Variants in COL4A4 observed in about 807,000 individuals in gnomAD.
COL4A4 encodes the protein collagen type IV alpha 4 chain, also known as collagen alpha-4(IV) chain.
In COL4A4, 105 loss-of-function variants were observed where a neutral mutation model predicts 192.9. The ratio of observed to expected loss-of-function variants is 0.54; its 90% CI spans 0.46 to 0.64. The LOEUF (loss-of-function observed/expected upper bound fraction) is 0.64, where lower values mean the gene tolerates loss of function less well. Among genes scored for constraint, COL4A4 ranks in the 30% least tolerant of loss-of-function variants. The probability of loss-of-function intolerance (pLI) is 0.00; values close to 1 mark genes in which losing one functional copy is unlikely to be tolerated. For missense variants in COL4A4, 1,967 were observed against 2,169.3 expected (o/e 0.91, Z 1.85); for synonymous variants, 762 against 769.9 (o/e 0.99, Z 0.17).
chr2:226,987,614 CTGTG>C, the COL4A4 span, among the ~76,000 whole-genome samples: 1 of 152,234 alleles, frequency 6.6e-6, no homozygotes, highest in African/African-American at 2.4e-5. Flanking sequence ...ACTCGAACCT[CTGTG>C]TGGGAGTCAG....
intron 19 of COL4A4, among the ~76,000 whole-genome samples, chr2:227,096,181 T>C (rs1347687365): frequency 6.6e-6 from 1 of 152,104 alleles, no homozygotes; most frequent in East Asian, 1.9e-4. Flanking sequence ...AATTCTGAGC[T>C]ACCATATAAG....
intron 46 of COL4A4, among the ~76,000 whole-genome samples, chr2:227,008,854 C>T (rs2149728086): frequency 6.6e-6 from 1 of 152,288 alleles, no homozygotes; most frequent in South Asian, 2.1e-4. Context: ...GGTGTCTGCA[C>T]TGTCTGTCTC....
intron 43 of COL4A4, 37 bp from the exon 44 acceptor site, chr2:227,022,210 G>A (rs376953454): frequency 2.4e-5 from 39 of 1,613,470 alleles, no homozygotes; most frequent in African/African-American, 8.0e-5. Flanking sequence ...ATGGATGCAC[G>A]TGCTTATGAA....
intron 25 of COL4A4, among the ~76,000 whole-genome samples, chr2:227,067,440 A>T (rs1370779709): frequency 6.6e-6 from 1 of 152,242 alleles, no homozygotes. Flanking sequence ...CACCACACCT[A>T]TTCCAAAATT....
intron 25 of COL4A4, among the ~76,000 whole-genome samples, chr2:227,072,554 T>A (rs1014874204): frequency 1.3e-5 from 2 of 151,924 alleles, no homozygotes; most frequent in African/African-American, 4.8e-5. Flanking sequence ...AATCATTCTA[T>A]TAAGCTAGTA....
chr2:226,987,803 G>T, the COL4A4 span, among the ~76,000 whole-genome samples: 12 of 152,346 alleles, frequency 7.9e-5, no homozygotes, highest in South Asian at 2.1e-4. Flanking sequence ...TCATCTGGGT[G>T]CTCGTTAAAA....
intron 4 of COL4A4, among the ~76,000 whole-genome samples, chr2:227,139,908 C>T (rs543819082): frequency 6.6e-6 from 1 of 152,272 alleles, no homozygotes; most frequent in South Asian, 2.1e-4. Context: ...AGGACCCTTC[C>T]TCCACAGGAC....
chr2:227,065,180 G>T (rs974345604), intron 25 of COL4A4, among the ~76,000 whole-genome samples: 1 of 152,208 alleles, frequency 6.6e-6, no homozygotes, highest in Non-Finnish European at 1.5e-5. Flanking sequence ...CTTTTCCGAC[G>T]GGCTTAAAAA....
intron 20 of COL4A4, among the ~76,000 whole-genome samples, chr2:227,090,810 C>T (rs1279261251): frequency 6.7e-6 from 1 of 148,566 alleles, no homozygotes; most frequent in Admixed American, 6.7e-5. Flanking sequence ...AAGTATAAAC[C>T]CACAGGACAA....
chr2:227,059,987 G>C (rs1976482108), intron 27 of COL4A4, 149 bp downstream of exon 27: 3 of 644,324 alleles, frequency 4.7e-6, no homozygotes, highest in Non-Finnish European at 8.0e-6. Context: ...TATAGCTAAG[G>C]GTCTATCAAG....
At chr2:227,104,151 C>A (rs1351656940) in intron 12 of COL4A4, 99 bp from the exon 13 acceptor site, 3 of 961,360 alleles carry the variant, frequency 3.1e-6, no homozygotes, top group South Asian at 1.3e-5. Context: ...TCCTATGTGT[C>A]ATGGATTTAA....
chr2:227,070,636 A>G (rs78908343), intron 25 of COL4A4, among the ~76,000 whole-genome samples: 25,710 of 148,326 alleles, frequency 0.17, 2,967 homozygotes, highest in African/African-American at 0.33. Flanking sequence ...ACCAAACACC[A>G]CATATTCTCA....
the COL4A4 span, among the ~76,000 whole-genome samples, chr2:226,977,859 A>G: frequency 6.6e-5 from 10 of 152,256 alleles, no homozygotes; most frequent in East Asian, 5.8e-4. Flanking sequence ...AGTTCCTCCA[A>G]TAGTACCATT....
chr2:227,073,128 A>G (rs2058817618), intron 25 of COL4A4, among the ~76,000 whole-genome samples: 1 of 152,038 alleles, frequency 6.6e-6, no homozygotes, highest in African/African-American at 2.4e-5. Flanking sequence ...CGATAATATG[A>G]TTGTACACTT....
downstream of COL4A4, among the ~76,000 whole-genome samples, chr2:227,001,985 C>T (rs1482536920): frequency 3.3e-5 from 5 of 152,032 alleles, no homozygotes; most frequent in African/African-American, 1.2e-4. Flanking sequence ...CGAGCCTGGG[C>T]AGCAGAGCAG....
rs776843082 is a variant in COL4A4 at position 227,054,601 on chromosome 2, C to G, written c.2853G>C (p.Gly951=). ...TGGCTGTATTTTATTTACCTTTGGC[C>G]CCTCTCAGTCCCCGGTCTCCAGGAA... The part of the protein sequence containing the change: ...SGLPGDRGLR[G]AKGAIGPPGD... Residue 951 remains glycine, a synonymous_variant, in exon 31 of 48, where the codon GGG becomes GGC. Transcript: ENST00000396625. The G allele has an allele frequency of 1.9e-6, 3 of 1,614,084 alleles. No homozygotes were observed. The highest frequency in any genetic ancestry group is 1.7e-5 in the Admixed American group (1 of 60,010).
At chr2:227,041,862 G>GA (rs1434134482) in intron 37 of COL4A4, among the ~76,000 whole-genome samples, 2 of 118,332 alleles carry the variant, frequency 1.7e-5, no homozygotes, top group Non-Finnish European at 3.5e-5. Context: ...AAGAAAGAAA[G>GA]AAAGAAAGAA....
chr2:227,096,974 A>G (rs1464345905), intron 19 of COL4A4, among the ~76,000 whole-genome samples: 4 of 152,200 alleles, frequency 2.6e-5, no homozygotes, highest in Non-Finnish European at 5.9e-5. Context: ...TATCTATCAT[A>G]TCTACAAATT....
chr2:227,047,734 C>CACACACACAT (rs1013987215), intron 34 of COL4A4, among the ~76,000 whole-genome samples, 185 bp from the exon 35 acceptor site: 10 of 140,264 alleles, frequency 7.1e-5, no homozygotes, highest in Non-Finnish European at 1.4e-4. Flanking sequence ...TTACATACCA[C>CACACACACAT]ACACACACAC....
Sources: gnomAD v4.1 joint callset for allele counts (sites outside exome capture counted in the v4.1 genomes callset) on GRCh38, gnomAD v4.1.1 for gene constraint, MANE v1.5 for transcripts, NCBI Gene and HGNC (gene_info 2026-07-23, HGNC 2026-07-21) for gene names.